CHD7: variants seen among roughly 807,000 people sequenced by gnomAD.
The protein encoded by CHD7 is ATP-dependent chromatin remodeler CHD7.
CHD7 carries 24 observed loss-of-function variants against 307.3 expected under a neutral mutation model. The ratio of observed to expected loss-of-function variants is 0.08; its 90% confidence interval spans 0.06 to 0.11. The LOEUF is 0.11. Among genes scored for constraint, CHD7 ranks in the 10% least tolerant of loss-of-function variants. CHD7 has a pLI of 1.00. For missense variants in CHD7, 3,106 were observed against 3,727.1 expected (o/e 0.83, Z 4.34); for synonymous variants, 1,363 against 1,349.9 (o/e 1.01, Z -0.21).
At chr8:60,700,553 A>T (rs763000272) in intron 1 of CHD7, among the ~76,000 whole-genome samples, 76 of 152,248 alleles carry the variant, frequency 5.0e-4, no homozygotes, top group Non-Finnish European at 9.3e-4. Context: ...GTGACTGAAT[A>T]GTTGGTAGCA....
chr8:60,801,590 G>A lies in CHD7; in HGVS notation c.2439G>A (p.Lys813=), dbSNP rs1276357189. ...TTATGAGCAGTCGTTCAGTAAAAAA[G>A]CAGGTGAGTGCCATTGGAGCCATTA... ...EKIMSSRSVK[K]QKESGEEVEI... The change falls in exon 6 of 38, where the codon AAG becomes AAA. Residue 813 remains lysine, a synonymous_variant. Coordinates refer to ENST00000423902, the MANE Select transcript of CHD7 (RefSeq NM_017780.4). 1.3e-6 allele frequency: 2 copies of A among 1,568,574 alleles called. No homozygotes were observed. The highest frequency in any genetic ancestry group is 2.3e-5 in the East Asian group (1 of 42,974).
chr8:60,682,751 A>G (rs953058351), intron 1 of CHD7, among the ~76,000 whole-genome samples: 1 of 152,248 alleles, frequency 6.6e-6, no homozygotes, highest in Non-Finnish European at 1.5e-5. Context: ...GTTATCTTTC[A>G]TCTTTCATTA....
At chr8:60,863,292 C>T (rs1806090528) in intron 37 of CHD7, 1 of 152,196 alleles carries the variant, frequency 6.6e-6, no homozygotes, top group African/African-American at 2.4e-5. Context: ...TTGTCCATCC[C>T]TGTCTTTTTG....
intron 1 of CHD7, among the ~76,000 whole-genome samples, chr8:60,714,265 G>T (rs994368156): frequency 5.3e-5 from 8 of 152,080 alleles, no homozygotes; most frequent in Non-Finnish European, 1.2e-4. Flanking sequence ...GGCCCTCGCT[G>T]CCGGCACCGT....
rs905029117 is a variant in CHD7 at position 60,761,150 on chromosome 8, T to C, written c.1665+18053T>C. 2.8e-4 allele frequency among the ~76,000 whole-genome samples: 42 copies of C among 151,920 alleles called. No homozygotes were observed. In the South Asian group the frequency reaches 8.3e-3, roughly 30 times the overall value. On this transcript the variant is annotated intron_variant, in intron 2 of 37. Coordinates refer to ENST00000423902, the MANE Select transcript of CHD7 (RefSeq NM_017780.4). ...AATGTGGCACATATACACCATGGAA[T>C]ACTATGCAGCCATAAAAAATGATGA... is the stretch of plus-strand genomic sequence containing the variant.
rs558676572 is a variant in CHD7, at chr8:60,834,592, C to T, written c.3779-1481C>T. Among the ~76,000 whole-genome samples, 7 of 152,256 alleles carry T rather than the reference C, an allele frequency of 4.6e-5. No homozygotes were observed. The East Asian group carries it at 1.3e-3, about 29-fold the overall frequency. On this transcript the variant is annotated intron_variant, in intron 15 of 37. Transcript: ENST00000423902. ...TTTACTCTTGCATTTATTTTCCATA[C>T]TTAAAGAAACATTCTGAATATTAGC...
chr8:60,847,982 G>A (rs1805288719), intron 23 of CHD7, among the ~76,000 whole-genome samples: 1 of 152,186 alleles, frequency 6.6e-6, no homozygotes, highest in African/African-American at 2.4e-5. Context: ...TTTCTCGGAA[G>A]CAAAGTTGTA....
intron 21 of CHD7, among the ~76,000 whole-genome samples, chr8:60,844,276 T>A (rs552243701): frequency 6.6e-6 from 1 of 152,340 alleles, no homozygotes; most frequent in Admixed American, 6.5e-5. Flanking sequence ...TCATTTCTCA[T>A]GAGGACCTGA....
chr8:60,858,387 T>TA (rs1244476481), intron 34 of CHD7, among the ~76,000 whole-genome samples: 5 of 152,362 alleles, frequency 3.3e-5, no homozygotes, highest in African/African-American at 1.2e-4. Flanking sequence ...AGCTGTGACT[T>TA]ACATGTTTTC....
At chr8:60,726,465 G>A (rs531303737) in intron 1 of CHD7, among the ~76,000 whole-genome samples, 40 of 152,280 alleles carry the variant, frequency 2.6e-4, no homozygotes, top group Non-Finnish European at 4.3e-4. Context: ...GAATGCTTTC[G>A]AAATTAAGAT....
At chr8:60,733,488 C>T (rs1386851376) in intron 1 of CHD7, among the ~76,000 whole-genome samples, 2 of 152,154 alleles carry the variant, frequency 1.3e-5, no homozygotes, top group East Asian at 1.9e-4. Context: ...GCTGTCTCCA[C>T]GTTAGGGTCA....
At chr8:60,801,164 G>A (rs1812293832) in intron 5 of CHD7, among the ~76,000 whole-genome samples, 1 of 152,086 alleles carries the variant, frequency 6.6e-6, no homozygotes, top group African/African-American at 2.4e-5. Context: ...GCCTACTATA[G>A]CAGAATGATG....
chr8:60,839,147 G>T (rs939743777), intron 19 of CHD7, among the ~76,000 whole-genome samples: 1 of 152,226 alleles, frequency 6.6e-6, no homozygotes, highest in East Asian at 1.9e-4. Context: ...CTACAGATTT[G>T]CCTTCTCTGG....
chr8:60,731,776 A>T (rs1563551150), intron 1 of CHD7, among the ~76,000 whole-genome samples: 1 of 152,190 alleles, frequency 6.6e-6, no homozygotes, highest in African/African-American at 2.4e-5. Flanking sequence ...TTTCCAAAAT[A>T]CTTTTTCTAA....
At chr8:60,735,764 TA>T (rs1196240326) in intron 1 of CHD7, among the ~76,000 whole-genome samples, 2 of 152,340 alleles carry the variant, frequency 1.3e-5, no homozygotes, top group African/African-American at 4.8e-5. Context: ...GGTCTTTGTT[TA>T]AACATGTTAC....
At chr8:60,784,145 T>C (rs1190212043) in intron 3 of CHD7, among the ~76,000 whole-genome samples, 1 of 152,156 alleles carries the variant, frequency 6.6e-6, no homozygotes, top group African/African-American at 2.4e-5. Flanking sequence ...ATTATGTAAA[T>C]TGAATATGCA....
chr8:60,812,350 T>C (rs183020463), intron 7 of CHD7, among the ~76,000 whole-genome samples: 2 of 152,310 alleles, frequency 1.3e-5, no homozygotes, highest in East Asian at 3.9e-4. Context: ...TTTCAATTGT[T>C]GTTCTAGCAC....
At chr8:60,846,609 G>A (rs535143657) in intron 23 of CHD7, among the ~76,000 whole-genome samples, 28 of 152,214 alleles carry the variant, frequency 1.8e-4, no homozygotes, top group Non-Finnish European at 4.1e-4. Context: ...GTAGACCTCG[G>A]CAGCAAGATC....
At chr8:60,820,811 A>C (rs1351056818) in intron 9 of CHD7, among the ~76,000 whole-genome samples, 1 of 152,202 alleles carries the variant, frequency 6.6e-6, no homozygotes, top group African/African-American at 2.4e-5. Context: ...ATGACACTCT[A>C]TGATGTTTCC....
Sources: allele counts gnomAD v4.1 joint callset (sites outside exome capture counted in the v4.1 genomes callset), GRCh38; gene constraint gnomAD v4.1.1; transcripts MANE v1.5; gene names NCBI Gene and HGNC (gene_info 2026-07-23, HGNC 2026-07-21).